FSTL5: variants seen among roughly 807,000 people sequenced by gnomAD.
The protein encoded by FSTL5 is follistatin-related protein 5.
In FSTL5, 62 loss-of-function variants were observed where a neutral mutation model predicts 89.1. The ratio of observed to expected loss-of-function variants is 0.70; its 90% CI spans 0.57 to 0.86. The LOEUF (loss-of-function observed/expected upper bound fraction) is 0.86, where lower values mean the gene tolerates loss of function less well. Ranked by LOEUF, FSTL5 falls within the 40% of genes least tolerant of loss-of-function variation. The probability of loss-of-function intolerance (pLI) is 0.00; values close to 1 mark genes in which losing one functional copy is unlikely to be tolerated. For missense variants in FSTL5, 1,057 were observed against 1,001.6 expected, an observed-to-expected ratio of 1.06 and a Z score of -0.75; for synonymous variants, 383 against 346.2, an observed-to-expected ratio of 1.11 and a Z score of -1.18.
chr4:162,072,740 C>T (rs143329814), intron 2 of FSTL5, among the ~76,000 whole-genome samples: 55 of 151,720 alleles, frequency 3.6e-4, no homozygotes, highest in African/African-American at 1.3e-3. Flanking sequence ...TCACATGGTG[C>T]CAAAATATTT....
chr4:162,108,791 T>A (rs1324508012), intron 2 of FSTL5, among the ~76,000 whole-genome samples: 1 of 151,730 alleles, frequency 6.6e-6, no homozygotes, highest in African/African-American at 2.4e-5. Flanking sequence ...AATAGAAATA[T>A]ATATATGTAT....
Position 161,481,052 on chromosome 4 carries a change from T to G in FSTL5, c.1576A>C (p.Ile526Leu). Residue 526 changes from isoleucine (I) to leucine (L), a missense_variant, in exon 13 of 16, where the codon ATT (isoleucine) becomes CTT (leucine). Around this residue, in one of 3 missense-constraint regions of FSTL5, gnomAD observed 980 missense variants for 903.2 expected, o/e 1.08. Coordinates refer to ENST00000306100, the MANE Select transcript of FSTL5 (RefSeq NM_020116.5). The stretch of plus-strand genomic sequence containing the variant: ...ACTTTTTGGGACTGCACATCAACAA[T>G]AAGGACTCTGTCCAAAGTTGGCTGT... ...VAQPTLDRVL[I>L]VDVQSQKVVQ... 1 of 1,612,522 alleles carries G rather than the reference T, an allele frequency of 6.2e-7. No homozygotes were observed. The highest frequency in any genetic ancestry group is 2.2e-5 in the East Asian group (1 of 44,770).
At chr4:161,809,090 C>G (rs1235988100) in intron 4 of FSTL5, among the ~76,000 whole-genome samples, 2 of 151,954 alleles carry the variant, frequency 1.3e-5, no homozygotes, top group Admixed American at 6.6e-5. Context: ...TTGGTGGCGG[C>G]TGCCTGTAGT....
chr4:161,459,760 C>G (rs990989394), intron 13 of FSTL5, among the ~76,000 whole-genome samples: 76 of 152,020 alleles, frequency 5.0e-4, no homozygotes, highest in African/African-American at 1.7e-3. Flanking sequence ...TATCCCAATT[C>G]TGATTACAAG....
intron 2 of FSTL5, among the ~76,000 whole-genome samples, chr4:162,051,037 C>T (rs1242136692): frequency 6.6e-6 from 1 of 151,288 alleles, no homozygotes; most frequent in Non-Finnish European, 1.5e-5. Flanking sequence ...AAAATATGGT[C>T]TAGTAATGTA....
At chr4:161,747,384 C>T (rs998147672) in intron 6 of FSTL5, among the ~76,000 whole-genome samples, 13 of 152,104 alleles carry the variant, frequency 8.5e-5, no homozygotes, top group Non-Finnish European at 1.5e-4. Flanking sequence ...GAAAAGTTTC[C>T]TTCTTTTGGA....
intron 6 of FSTL5, among the ~76,000 whole-genome samples, chr4:161,669,069 G>T (rs1225856961): frequency 1.6e-4 from 22 of 140,208 alleles, no homozygotes; most frequent in Non-Finnish European, 4.5e-5. Context: ...CTGAGATTCC[G>T]CCACGGCCCT....
intron 3 of FSTL5, among the ~76,000 whole-genome samples, chr4:161,962,270 T>A (rs1346659259): frequency 6.6e-6 from 1 of 152,008 alleles, no homozygotes; most frequent in Non-Finnish European, 1.5e-5. Context: ...AGATTGTCAG[T>A]GCTATAAGAG....
At chr4:161,397,938 A>G (rs1453347980) in intron 15 of FSTL5, among the ~76,000 whole-genome samples, 1 of 152,048 alleles carries the variant, frequency 6.6e-6, no homozygotes, top group Non-Finnish European at 1.5e-5. Context: ...ATGAATGTAA[A>G]TTAAATCCCT....
intron 3 of FSTL5, among the ~76,000 whole-genome samples, chr4:161,945,595 T>G (rs989186359): frequency 4.6e-5 from 7 of 151,994 alleles, no homozygotes; most frequent in African/African-American, 1.7e-4. Flanking sequence ...CTACTAAAAA[T>G]ACAAAAATTA....
At chr4:161,512,483 A>G (rs575836356) in intron 10 of FSTL5, among the ~76,000 whole-genome samples, 1 of 152,200 alleles carries the variant, frequency 6.6e-6, no homozygotes, top group Non-Finnish European at 1.5e-5. Context: ...AAACAGGGGG[A>G]ACTTCTCTAA....
chr4:161,590,814 C>T (rs569596158), intron 7 of FSTL5, among the ~76,000 whole-genome samples: 2 of 152,302 alleles, frequency 1.3e-5, no homozygotes, highest in East Asian at 3.9e-4. Flanking sequence ...AATGGTGCCT[C>T]TGCTTTGGAT....
intron 4 of FSTL5, among the ~76,000 whole-genome samples, chr4:161,791,970 C>T (rs1002225194): frequency 6.6e-6 from 1 of 152,180 alleles, no homozygotes; most frequent in Admixed American, 6.5e-5. Context: ...CAGGGCCCTT[C>T]CAAGATGGCC....
chr4:161,816,279 ATAGAATGTGTAATTT>A (rs1730323518), intron 4 of FSTL5, among the ~76,000 whole-genome samples: 1 of 152,326 alleles, frequency 6.6e-6, no homozygotes, highest in South Asian at 2.1e-4. Context: ...TTTGGGTTTT[ATAGAATGTGTAATTT>A]TATGAAGTAC....
chr4:162,141,106 CTTTTTTTTTT>C (rs3032092), intron 1 of FSTL5, among the ~76,000 whole-genome samples: 2 of 44,008 alleles, frequency 4.5e-5, no homozygotes, highest in Admixed American at 3.4e-4. Flanking sequence ...TCCCTTCTCT[CTTTTTTTTTT>C]TTTTTTTTTT....
At chr4:161,598,158 T>C (rs1344825159) in intron 7 of FSTL5, among the ~76,000 whole-genome samples, 1 of 151,292 alleles carries the variant, frequency 6.6e-6, no homozygotes, top group Admixed American at 6.6e-5. Flanking sequence ...GATCTCAAAC[T>C]GAAGTCAGGA....
intron 6 of FSTL5, among the ~76,000 whole-genome samples, chr4:161,758,099 AC>A (rs1339173965): frequency 3.3e-5 from 5 of 152,198 alleles, no homozygotes; most frequent in Non-Finnish European, 7.3e-5. Context: ...ATAAGCTACA[AC>A]TTTTTTCATA....
intron 8 of FSTL5, among the ~76,000 whole-genome samples, chr4:161,562,011 A>G (rs4260488): frequency 0.47 from 71,885 of 151,712 alleles, 17,298 homozygotes; most frequent in Middle Eastern, 0.6. Context: ...CTGTCCAATG[A>G]GAGCCAGAAT....
chr4:161,837,942 G>A (rs1731096646), intron 4 of FSTL5, among the ~76,000 whole-genome samples: 1 of 152,020 alleles, frequency 6.6e-6, no homozygotes, highest in South Asian at 2.1e-4. Context: ...AAATCATTAA[G>A]GAAATCACGT....
Sources: allele counts gnomAD v4.1 joint callset (sites outside exome capture counted in the v4.1 genomes callset), GRCh38; gene constraint gnomAD v4.1.1; regional missense constraint gnomAD v4.1.1; transcripts MANE v1.5; gene names NCBI Gene and HGNC (gene_info 2026-07-23, HGNC 2026-07-21).